Variants in CACNA2D3 observed in about 807,000 individuals in gnomAD.
CACNA2D3 encodes voltage-dependent calcium channel subunit alpha-2/delta-3.
A neutral mutation model predicts 160.6 loss-of-function variants in CACNA2D3; 60 were observed. That is an observed-to-expected ratio of 0.37 (90% confidence interval 0.30 to 0.46). CACNA2D3 has a LOEUF of 0.46. CACNA2D3 is among the 20% of genes least tolerant of loss of function. The probability of loss-of-function intolerance (pLI) is 1.00; values close to 1 mark genes in which losing one functional copy is unlikely to be tolerated. For missense variants in CACNA2D3, 1,205 were observed against 1,365.0 expected (o/e 0.88, Z 1.85); for synonymous variants, 558 against 492.9 (o/e 1.13, Z -1.75).
intron 11 of CACNA2D3, among the ~76,000 whole-genome samples, chr3:54,643,689 A>G (rs1163318798): frequency 6.6e-6 from 1 of 152,222 alleles, no homozygotes; most frequent in Non-Finnish European, 1.5e-5. Flanking sequence ...TTAGTTCATA[A>G]TAAACATACA....
intron 17 of CACNA2D3, among the ~76,000 whole-genome samples, chr3:54,868,206 A>G (rs943339659): frequency 6.6e-6 from 1 of 152,184 alleles, no homozygotes; most frequent in Non-Finnish European, 1.5e-5. Context: ...ACTCAAATTA[A>G]TCACTCTGCT....
intron 11 of CACNA2D3, among the ~76,000 whole-genome samples, chr3:54,652,917 G>C (rs1021324603): frequency 6.6e-6 from 1 of 151,770 alleles, no homozygotes; most frequent in Admixed American, 6.6e-5. Flanking sequence ...CAAGTAGCTG[G>C]GATGATAGGC....
At chr3:54,927,076 G>C (rs1701043451) in intron 27 of CACNA2D3, among the ~76,000 whole-genome samples, 1 of 152,180 alleles carries the variant, frequency 6.6e-6, no homozygotes, top group South Asian at 2.1e-4. Flanking sequence ...ACTCAAAATA[G>C]TTATCTACTC....
At chr3:54,744,966 C>A (rs1399389238) in intron 11 of CACNA2D3, among the ~76,000 whole-genome samples, 1 of 152,204 alleles carries the variant, frequency 6.6e-6, no homozygotes, top group Non-Finnish European at 1.5e-5. Flanking sequence ...TAGCATTGAA[C>A]CCACCTGGAA....
At chr3:54,635,470 G>A (rs1205066638) in intron 10 of CACNA2D3, among the ~76,000 whole-genome samples, 1 of 152,006 alleles carries the variant, frequency 6.6e-6, no homozygotes, top group Non-Finnish European at 1.5e-5. Flanking sequence ...ATAGGAGTAT[G>A]ACTAGACAGA....
chr3:54,413,340 TTTGA>T (rs1699699530), intron 4 of CACNA2D3, among the ~76,000 whole-genome samples: 1 of 150,298 alleles, frequency 6.7e-6, no homozygotes, highest in Admixed American at 6.7e-5. Context: ...TCTCATTATG[TTTGA>T]TTTTCAGTGT....
At chr3:54,618,885 C>T (rs573909654) in intron 9 of CACNA2D3, among the ~76,000 whole-genome samples, 6 of 152,318 alleles carry the variant, frequency 3.9e-5, no homozygotes, top group African/African-American at 7.2e-5. Context: ...ATCCTCAGAG[C>T]TGGCACTGTG....
chr3:54,305,441 A>G (rs1703575972), intron 2 of CACNA2D3, among the ~76,000 whole-genome samples: 1 of 152,252 alleles, frequency 6.6e-6, no homozygotes, highest in Admixed American at 6.5e-5. Flanking sequence ...CATGCACTAT[A>G]ATTTATACTT....
rs1170516543 is a variant in CACNA2D3, at chr3:54,459,023, T to C, written c.382-44469T>C. 4.6e-5 allele frequency among the ~76,000 whole-genome samples: 7 copies of C among 152,178 alleles called. No homozygotes were observed. The East Asian group carries it at 1.2e-3, about 25-fold the overall frequency. ...CACCTATGAGTGAGAACATGCGGTG[T>C]TTGGTTTTTCGTCCTTGCGATAGTT... On this transcript the variant is annotated intron_variant, in intron 4 of 37. Transcript: ENST00000474759.
intron 4 of CACNA2D3, among the ~76,000 whole-genome samples, chr3:54,464,832 C>A (rs1041372146): frequency 6.6e-6 from 1 of 152,218 alleles, no homozygotes. Flanking sequence ...CCCGGTACCT[C>A]AGATGGAAAT....
intron 35 of CACNA2D3, among the ~76,000 whole-genome samples, chr3:55,052,241 C>T (rs1043938409): frequency 2.6e-5 from 4 of 152,012 alleles, no homozygotes; most frequent in East Asian, 1.9e-4. Context: ...GAGGGTTTTC[C>T]GGAAACTTTT....
intron 4 of CACNA2D3, among the ~76,000 whole-genome samples, chr3:54,421,239 A>G (rs1369931104): frequency 9.9e-5 from 15 of 152,194 alleles, no homozygotes. Context: ...ACTGTAGAAG[A>G]CAAATCTTTC....
At chr3:54,333,684 C>T (rs2107519990) in intron 3 of CACNA2D3, among the ~76,000 whole-genome samples, 1 of 151,776 alleles carries the variant, frequency 6.6e-6, no homozygotes, top group South Asian at 2.1e-4. Context: ...TGGGAGAAAG[C>T]CCGAGAAGCC....
At chr3:54,520,400 T>A (rs1575500963) in intron 5 of CACNA2D3, among the ~76,000 whole-genome samples, 2 of 152,302 alleles carry the variant, frequency 1.3e-5, no homozygotes, top group East Asian at 3.9e-4. Context: ...TGATGCTCAG[T>A]GTATTTGTCC....
At chr3:54,994,899 T>C (rs539564878) in intron 31 of CACNA2D3, among the ~76,000 whole-genome samples, 12 of 152,284 alleles carry the variant, frequency 7.9e-5, no homozygotes, top group African/African-American at 2.6e-4. Context: ...GCATATCTTC[T>C]GCAGAGTTTT....
chr3:54,821,723 CTCTCTCTCTCTCTT>C (rs1392958679), intron 14 of CACNA2D3, among the ~76,000 whole-genome samples: 50 of 110,396 alleles, frequency 4.5e-4, no homozygotes, highest in Middle Eastern at 9.2e-3. Context: ...TTTCCTCTCT[CTCTCTCTCTCTCTT>C]TCTCTCTCTC....
At chr3:54,523,909 T>G (rs1192088852) in intron 5 of CACNA2D3, among the ~76,000 whole-genome samples, 1 of 152,060 alleles carries the variant, frequency 6.6e-6, no homozygotes, top group Non-Finnish European at 1.5e-5. Context: ...TTAATCTAGC[T>G]AAAGTTTTGT....
At chr3:54,722,071 T>C (rs1203722148) in intron 11 of CACNA2D3, among the ~76,000 whole-genome samples, 1 of 152,212 alleles carries the variant, frequency 6.6e-6, no homozygotes, top group Admixed American at 6.5e-5. Context: ...TTTGGTCTTT[T>C]CACATAGTCC....
At chr3:54,287,444 C>G (rs1703061986) in intron 2 of CACNA2D3, among the ~76,000 whole-genome samples, 1 of 151,182 alleles carries the variant, frequency 6.6e-6, no homozygotes, top group African/African-American at 2.4e-5. Context: ...GAGTGACCTA[C>G]AAAGAGACTT....
Sources: gnomAD v4.1 joint callset for allele counts (sites outside exome capture counted in the v4.1 genomes callset) on GRCh38, gnomAD v4.1.1 for gene constraint, MANE v1.5 for transcripts, NCBI Gene and HGNC (gene_info 2026-07-23, HGNC 2026-07-21) for gene names.